PTPRN2: variants seen among roughly 807,000 people sequenced by gnomAD.
PTPRN2 encodes receptor-type tyrosine-protein phosphatase N2.
PTPRN2 carries 74 observed loss-of-function variants against 118.8 expected under a neutral mutation model. The ratio of observed to expected loss-of-function variants is 0.62; its 90% CI spans 0.52 to 0.76. The LOEUF (loss-of-function observed/expected upper bound fraction) is 0.76. Among genes scored for constraint, PTPRN2 ranks in the 30% least tolerant of loss-of-function variants. PTPRN2 has a pLI of 0.00. For synonymous variants in PTPRN2, 641 were observed against 608.0 expected (o/e 1.05, Z -0.80); for missense variants, 1,481 against 1,394.4 (o/e 1.06, Z -0.99).
chr7:158,084,406 G>A (rs1242591010), intron 10 of PTPRN2, among the ~76,000 whole-genome samples: 1 of 152,134 alleles, frequency 6.6e-6, no homozygotes, highest in Non-Finnish European at 1.5e-5. Flanking sequence ...TAACCAGGGA[G>A]CCTTGGTTGT....
intron 4 of PTPRN2, among the ~76,000 whole-genome samples, chr7:158,194,349 G>A (rs553992434): frequency 2.6e-5 from 4 of 152,140 alleles, no homozygotes; most frequent in African/African-American, 9.7e-5. Context: ...ATAAAAGAAC[G>A]GGCATCACCA....
At chr7:157,709,914 G>C (rs748635110) in intron 12 of PTPRN2, among the ~76,000 whole-genome samples, 5 of 152,244 alleles carry the variant, frequency 3.3e-5, no homozygotes, top group Non-Finnish European at 7.3e-5. Context: ...TGGGGGAGCA[G>C]TGGTTCCTTA....
rs371833442 is a variant in PTPRN2, at chr7:158,394,297, C to T, written c.164-77365G>A. Among the ~76,000 whole-genome samples the T allele has an allele frequency of 9.4e-4, 143 of 152,288 alleles. 1 individual carries two copies. The highest frequency in any genetic ancestry group is 3.2e-3 in the African/African-American group (131 of 41,574). ...AGACGCCTGGCTCCCCTCTGGCTCC[C>T]CCACCAAGGAGCAGGTATAATTTTT... On this transcript the variant is annotated intron_variant, in intron 2 of 22. Coordinates refer to ENST00000389418, the MANE Select transcript of PTPRN2 (RefSeq NM_002847.5).
At chr7:158,149,973 C>G (rs1013545845) in intron 6 of PTPRN2, among the ~76,000 whole-genome samples, 1 of 152,098 alleles carries the variant, frequency 6.6e-6, no homozygotes, top group Non-Finnish European at 1.5e-5. Context: ...GTAAGCAACA[C>G]AATTCTTTGC....
At chr7:157,546,826 C>T (rs549732438) in intron 22 of PTPRN2, among the ~76,000 whole-genome samples, 3 of 152,244 alleles carry the variant, frequency 2.0e-5, no homozygotes, top group Non-Finnish European at 4.4e-5. Flanking sequence ...ACGAAGGGTC[C>T]TGGGACCACC....
chr7:157,902,221 C>T (rs1201325369), intron 11 of PTPRN2, among the ~76,000 whole-genome samples: 2 of 152,256 alleles, frequency 1.3e-5, no homozygotes, highest in African/African-American at 4.8e-5. Context: ...AGCAGAACTT[C>T]CGGAAAGGGC....
intron 1 of PTPRN2, among the ~76,000 whole-genome samples, chr7:158,531,841 C>T (rs1173325049): frequency 6.6e-6 from 1 of 152,108 alleles, no homozygotes; most frequent in Non-Finnish European, 1.5e-5. Flanking sequence ...CACATGCCTC[C>T]TCCCAGCCAC....
intron 12 of PTPRN2, among the ~76,000 whole-genome samples, chr7:157,703,471 C>A (rs928021754): frequency 6.6e-6 from 1 of 152,202 alleles, no homozygotes; most frequent in Non-Finnish European, 1.5e-5. Flanking sequence ...CACCAGGACC[C>A]CAGGCCCACA....
rs1797298494 is a variant in PTPRN2, at chr7:157,899,130, G to A, written c.1724-393C>T. 2.0e-5 allele frequency among the ~76,000 whole-genome samples: 3 copies of A among 152,216 alleles called. 1 individual carries two copies. The highest frequency in any genetic ancestry group is 1.3e-4 in the Admixed American group (2 of 15,284). ...AAATATGTTTCATTAACCAGCATTA[G>A]GTGTTGATAAAAGACTCCGTAGAAG... On this transcript the variant is annotated intron_variant, in intron 11 of 22. Transcript: ENST00000389418.
rs1393488122 is a variant in PTPRN2, at chr7:157,874,926, CAGAG to C, written c.1788+23743_1788+23746del. ...ATACACACACACTCATGCACATACA[CAGAG>C]AAACACTTGTGCACGGAGACACACT... On this transcript the variant is annotated intron_variant, in intron 12 of 22. Transcript: ENST00000389418. This position sits in a 1 kb window ranked among gnomAD's most constrained non-coding sequence, Gnocchi z 5.8. 5.3e-5 allele frequency among the ~76,000 whole-genome samples: 8 copies of C among 152,126 alleles called. No individual in the cohort carries two copies. Among genetic ancestry groups the C allele is most frequent in the South Asian group, 4.1e-4 (2 of 4,820 alleles).
At chr7:157,593,839 C>T (rs1398529802) in intron 17 of PTPRN2, among the ~76,000 whole-genome samples, 2 of 152,206 alleles carry the variant, frequency 1.3e-5, no homozygotes, top group East Asian at 1.9e-4. Flanking sequence ...AGTAGGGAGC[C>T]CAAGTGCCCC....
chr7:158,033,231 G>A (rs1266416243), intron 11 of PTPRN2, among the ~76,000 whole-genome samples: 2 of 126,980 alleles, frequency 1.6e-5, no homozygotes, highest in South Asian at 2.4e-4. Context: ...AGCCATCAGG[G>A]CCACACATGG....
intron 12 of PTPRN2, among the ~76,000 whole-genome samples, chr7:157,718,699 G>C (rs1043102107): frequency 2.0e-4 from 30 of 146,838 alleles, no homozygotes; most frequent in Admixed American, 8.1e-4. Flanking sequence ...CATGGCCCCA[G>C]GGTGAGTCTC....
intron 6 of PTPRN2, among the ~76,000 whole-genome samples, chr7:158,162,060 C>T (rs1019211305): frequency 4.6e-5 from 7 of 152,112 alleles, no homozygotes; most frequent in Admixed American, 2.6e-4. Context: ...CTCAGAAGGG[C>T]CGGAACCCAG....
In PTPRN2 at chr7:157,903,146, C is replaced by T. The variant is rs1032815891; in HGVS notation, c.1724-4409G>A. ...AGAGCCACACGCTGCCACACACTCT[C>T]GCACGGAAGTGGGAACTACACTCAT... is the stretch of plus-strand genomic sequence containing the variant. On this transcript the variant is annotated intron_variant, in intron 11 of 22. Coordinates refer to ENST00000389418, the MANE Select transcript of PTPRN2 (RefSeq NM_002847.5). The surrounding 1 kb of genome is among the most constrained non-coding windows in gnomAD (Gnocchi z 4.2). 2.6e-5 allele frequency among the ~76,000 whole-genome samples: 4 copies of T among 152,114 alleles called. No individual in the cohort carries two copies. The highest frequency in any genetic ancestry group is 4.8e-5 in the African/African-American group (2 of 41,410).
intron 2 of PTPRN2, among the ~76,000 whole-genome samples, chr7:158,330,162 C>A (rs13310834): frequency 0.018 from 100 of 5,476 alleles, 9 homozygotes; most frequent in African/African-American, 0.029. Flanking sequence ...CACTCTCACC[C>A]TAAGAGGTGA....
chr7:158,342,046 A>T (rs1422738009), intron 2 of PTPRN2, among the ~76,000 whole-genome samples: 2 of 77,368 alleles, frequency 2.6e-5, no homozygotes, highest in Admixed American at 1.3e-4. Context: ...AAGAGCTGAC[A>T]CCCGCAGACG....
chr7:157,568,943 G>T lies in PTPRN2; in HGVS notation c.2861C>A (p.Thr954Asn). Residue 954 changes from threonine to asparagine, a missense_variant, in exon 21 of 23, where the codon ACC becomes AAC. Transcript: ENST00000389418. ...GAGAACCATGTCGATCAGGACGTAG[G>T]TGCCGCTCCGGCCTGCACCGTCACT... The part of the protein sequence containing the change: ...HCSDGAGRSG[T>N]YVLIDMVLNK... 1 of 1,578,814 alleles carries T rather than the reference G, an allele frequency of 6.3e-7. No individual in the cohort carries two copies. Among genetic ancestry groups the T allele is most frequent in the Non-Finnish European group, 8.7e-7 (1 of 1,148,102 alleles).
Position 158,546,353 on chromosome 7 carries a change from T to C in PTPRN2, c.112+41205A>G, listed in dbSNP as rs1355685200. Among the ~76,000 whole-genome samples, 1 of 152,196 alleles carries C rather than the reference T, an allele frequency of 6.6e-6. No individual in the cohort carries two copies. Among genetic ancestry groups the C allele is most frequent in the Non-Finnish European group, 1.5e-5 (1 of 68,028 alleles). ...GGTCCGCGAGGTGCCAGCTTTGCAC[T>C]GTCAAAGGGAATCCCTCCCAGGGGA... On this transcript the variant is annotated intron_variant, in intron 1 of 22. Transcript: ENST00000389418. This position sits in a 1 kb window ranked among gnomAD's most constrained non-coding sequence, Gnocchi z 5.0.
Sources: allele counts gnomAD v4.1 joint callset (sites outside exome capture counted in the v4.1 genomes callset), GRCh38; gene constraint gnomAD v4.1.1; non-coding constraint Gnocchi (gnomAD v3.1); transcripts MANE v1.5; gene names NCBI Gene and HGNC (gene_info 2026-07-23, HGNC 2026-07-21).